KIRREL3: variants seen among roughly 807,000 people sequenced by gnomAD.
KIRREL3 encodes kin of IRRE-like protein 3.
A neutral mutation model predicts 89.7 loss-of-function variants in KIRREL3; 36 were observed. That is an observed-to-expected ratio of 0.40 (90% CI 0.31 to 0.53). The LOEUF (loss-of-function observed/expected upper bound fraction) is 0.53, where lower values mean the gene tolerates loss of function less well. KIRREL3 is among the 20% of genes least tolerant of loss of function. The pLI is 0.49. For synonymous variants in KIRREL3, 445 were observed against 441.4 expected, an observed-to-expected ratio of 1.01 and a Z score of -0.10; for missense variants, 864 against 1,056.6, an observed-to-expected ratio of 0.82 and a Z score of 2.53.
chr11:126,790,903 G>T (rs11220610), intron 1 of KIRREL3, among the ~76,000 whole-genome samples: 1 of 152,134 alleles, frequency 6.6e-6, no homozygotes, highest in East Asian at 1.9e-4. Context: ...GGATGGAACC[G>T]TCATAAACAA....
chr11:126,445,186 C>G, intron 9 of KIRREL3, 81 bp from the exon 10 acceptor site: 1 of 1,550,794 alleles, frequency 6.4e-7, no homozygotes, highest in Non-Finnish European at 8.8e-7. Flanking sequence ...AGCTGAGAGG[C>G]TGGCCTGGGG....
At chr11:126,827,932 T>C (rs1018796964) in intron 1 of KIRREL3, among the ~76,000 whole-genome samples, 2 of 152,152 alleles carry the variant, frequency 1.3e-5, no homozygotes, top group African/African-American at 2.4e-5. Context: ...CATTGGGTTT[T>C]GGAATTAGAA....
At chr11:126,494,131 A>T (rs1236195249) in intron 4 of KIRREL3, among the ~76,000 whole-genome samples, 1 of 152,242 alleles carries the variant, frequency 6.6e-6, no homozygotes, top group African/African-American at 2.4e-5. Context: ...GTTAATTAAG[A>T]ATTGTTTAAG....
chr11:126,816,403 C>T (rs376758106), intron 1 of KIRREL3, among the ~76,000 whole-genome samples: 11 of 152,178 alleles, frequency 7.2e-5, no homozygotes, highest in Admixed American at 1.3e-4. Context: ...TTTGACAAGC[C>T]AATAGTATGA....
chr11:126,903,301 T>C lies in KIRREL3; in HGVS notation c.55+97154A>G, dbSNP rs1333872490. On this transcript the variant is annotated intron_variant, in intron 1 of 16. Coordinates refer to ENST00000525144, the MANE Select transcript of KIRREL3 (RefSeq NM_032531.4). This position sits in a 1 kb window ranked among gnomAD's most constrained non-coding sequence, Gnocchi z 4.5. ...TCTTTTCTTTTTTTTTTAAACTAAT[T>C]TTTTCCTCTTTTTCTCTGGGTTAAC... 6.6e-6 allele frequency among the ~76,000 whole-genome samples: 1 copy of C among 152,166 alleles called. No individual in the cohort carries two copies. Among genetic ancestry groups the C allele is most frequent in the South Asian group, 2.1e-4 (1 of 4,820 alleles).
intron 1 of KIRREL3, among the ~76,000 whole-genome samples, chr11:126,885,318 A>G (rs182655689): frequency 1.3e-5 from 2 of 152,340 alleles, no homozygotes; most frequent in East Asian, 3.9e-4. Flanking sequence ...CATCTTCTAC[A>G]GTGTCCATGT....
intron 1 of KIRREL3, among the ~76,000 whole-genome samples, chr11:126,868,600 G>A (rs1396276501): frequency 6.6e-6 from 1 of 152,168 alleles, no homozygotes; most frequent in Non-Finnish European, 1.5e-5. Context: ...GGTTAGGAGG[G>A]TAAAGTGTAG....
At chr11:126,514,593 G>A (rs1196890122) in intron 4 of KIRREL3, among the ~76,000 whole-genome samples, 1 of 152,172 alleles carries the variant, frequency 6.6e-6, no homozygotes, top group Non-Finnish European at 1.5e-5. Flanking sequence ...CATAACAGGC[G>A]CTATTCTGAG....
At chr11:126,975,266 C>T (rs1949535774) in intron 1 of KIRREL3, among the ~76,000 whole-genome samples, 1 of 152,164 alleles carries the variant, frequency 6.6e-6, no homozygotes, top group African/African-American at 2.4e-5. Flanking sequence ...TCTTCCAATT[C>T]AGCAAACCCC....
intron 1 of KIRREL3, among the ~76,000 whole-genome samples, chr11:126,966,519 C>T (rs1949276943): frequency 6.6e-6 from 1 of 152,136 alleles, no homozygotes; most frequent in Admixed American, 6.5e-5. Flanking sequence ...TACTGCCTGG[C>T]CTTCACACTT....
chr11:126,697,511 CTG>C lies in KIRREL3; in HGVS notation c.56-134601_56-134600del, dbSNP rs1253048105. Among the ~76,000 whole-genome samples, 3 of 152,228 alleles carry C rather than the reference CTG, an allele frequency of 2.0e-5. No homozygotes were observed. Among genetic ancestry groups the C allele is most frequent in the Admixed American group, 2.0e-4 (3 of 15,288 alleles). ...ACCTTTCCAGGGCTAAGTCCTACGA[CTG>C]TGACACAACTGATGCTCAGTGGCTC... is the stretch of plus-strand genomic sequence containing the variant. On this transcript the variant is annotated intron_variant, in intron 1 of 16. Coordinates refer to ENST00000525144, the MANE Select transcript of KIRREL3 (RefSeq NM_032531.4). This position sits in a 1 kb window ranked among gnomAD's most constrained non-coding sequence, Gnocchi z 4.2.
rs1950176397 is a variant in KIRREL3, at chr11:126,996,246, C to A, written c.55+4209G>T. On this transcript the variant is annotated intron_variant, in intron 1 of 16. Coordinates refer to ENST00000525144, the MANE Select transcript of KIRREL3 (RefSeq NM_032531.4). This position sits in a 1 kb window ranked among gnomAD's most constrained non-coding sequence, Gnocchi z 4.7. ...AAGAACTGATTCTTCTTCCTCTAGACAAGACGTCATCCCACATGGGGTTCT... is the reference window on the plus strand; with the variant it reads ...AAGAACTGATTCTTCTTCCTCTAGAAAAGACGTCATCCCACATGGGGTTCT... Among the ~76,000 whole-genome samples, 1 of 152,226 alleles carries A rather than the reference C, an allele frequency of 6.6e-6. No individual in the cohort carries two copies. The highest frequency in any genetic ancestry group is 6.5e-5 in the Admixed American group (1 of 15,282).
In KIRREL3 at chr11:126,704,039, C is replaced by T. The variant is rs559307342; in HGVS notation, c.56-141127G>A. Among the ~76,000 whole-genome samples the T allele has an allele frequency of 3.3e-5, 5 of 152,154 alleles. No homozygotes were observed. Among genetic ancestry groups the T allele is most frequent in the Non-Finnish European group, 7.4e-5 (5 of 68,020 alleles). ...GATGTTGCTACCAGAATCATTCCCCCCTTCTCTTATTTATATACACTCACA... is the reference window on the plus strand; with the variant it reads ...GATGTTGCTACCAGAATCATTCCCCTCTTCTCTTATTTATATACACTCACA... On this transcript the variant is annotated intron_variant, in intron 1 of 16. Coordinates refer to ENST00000525144, the MANE Select transcript of KIRREL3 (RefSeq NM_032531.4). This position sits in a 1 kb window ranked among gnomAD's most constrained non-coding sequence, Gnocchi z 4.2.
intron 4 of KIRREL3, among the ~76,000 whole-genome samples, chr11:126,494,544 G>A (rs1330260705): frequency 6.6e-6 from 1 of 152,082 alleles, no homozygotes; most frequent in Non-Finnish European, 1.5e-5. Context: ...ACATTCATTT[G>A]GATTTTTAAA....
intron 1 of KIRREL3, among the ~76,000 whole-genome samples, chr11:126,833,843 G>T (rs1943689964): frequency 1.3e-5 from 2 of 152,186 alleles, no homozygotes; most frequent in African/African-American, 4.8e-5. Context: ...TCCTGAAAAT[G>T]AGGTTCAGCC....
chr11:126,573,401 G>T (rs1941075501), intron 1 of KIRREL3, among the ~76,000 whole-genome samples: 7 of 152,164 alleles, frequency 4.6e-5, no homozygotes, highest in Admixed American at 4.6e-4. Flanking sequence ...AGGAGCAGAG[G>T]ATGAGGAACT....
At position 126,571,613 on chromosome 11, in the gene KIRREL3, A is replaced by G. The variant is rs1295576972; in HGVS notation, c.56-8701T>C. ...AAAACTCTATAAGGTAAGTGCTGTTATTATTCCTATTTGACAGAAGGGAAA... is the reference window on the plus strand; with the variant it reads ...AAAACTCTATAAGGTAAGTGCTGTTGTTATTCCTATTTGACAGAAGGGAAA... On this transcript the variant is annotated intron_variant, in intron 1 of 16. Coordinates refer to ENST00000525144, the MANE Select transcript of KIRREL3 (RefSeq NM_032531.4). This position sits in a 1 kb window ranked among gnomAD's most constrained non-coding sequence, Gnocchi z 7.7. Among the ~76,000 whole-genome samples, 3 of 152,200 alleles carry G rather than the reference A, an allele frequency of 2.0e-5. No homozygotes were observed. The East Asian group carries it at 5.8e-4, about 29-fold the overall frequency.
In KIRREL3 at chr11:126,837,836, G is replaced by T. The variant is rs141114281; in HGVS notation, c.55+162619C>A. 6.6e-6 allele frequency among the ~76,000 whole-genome samples: 1 copy of T among 152,112 alleles called. No individual in the cohort carries two copies. Among genetic ancestry groups the T allele is most frequent in the South Asian group, 2.1e-4 (1 of 4,826 alleles). Reference sequence around the variant, plus strand: ...ACTTGCTATCCATTTCTAGCAGCTCGCAGTCTATGTCCAGGCATACATCCT... The same window carrying T: ...ACTTGCTATCCATTTCTAGCAGCTCTCAGTCTATGTCCAGGCATACATCCT... On this transcript the variant is annotated intron_variant, in intron 1 of 16. Transcript: ENST00000525144. The surrounding 1 kb of genome is among the most constrained non-coding windows in gnomAD (Gnocchi z 4.7).
At chr11:126,446,730 G>A (rs1370182074) in intron 9 of KIRREL3, 29 bp downstream of exon 9, 3 of 1,583,604 alleles carry the variant, frequency 1.9e-6, no homozygotes, top group Admixed American at 3.5e-5. Flanking sequence ...CCTGCCAGAG[G>A]TGCCCCGAGG....
Sources: allele counts gnomAD v4.1 joint callset (sites outside exome capture counted in the v4.1 genomes callset), GRCh38; gene constraint gnomAD v4.1.1; non-coding constraint Gnocchi (gnomAD v3.1); transcripts MANE v1.5; gene names NCBI Gene and HGNC (gene_info 2026-07-23, HGNC 2026-07-21).